The following CCDC88A variants were observed in gnomAD, a reference collection of about 807,000 sequenced individuals.
CCDC88A encodes the protein coiled-coil and HOOK domain protein 88A, also known as girdin.
CCDC88A carries 54 observed loss-of-function variants against 234.3 expected under a neutral mutation model. The ratio of observed to expected loss-of-function variants is 0.23; its 90% CI spans 0.19 to 0.29. CCDC88A has a LOEUF of 0.29. CCDC88A is among the 10% of genes least tolerant of loss of function. The probability of loss-of-function intolerance (pLI) is 1.00; values close to 1 mark genes in which losing one functional copy is unlikely to be tolerated. For synonymous variants in CCDC88A, 753 were observed against 737.8 expected, an observed-to-expected ratio of 1.02 and a Z score of -0.33; for missense variants, 1,832 against 2,123.4, an observed-to-expected ratio of 0.86 and a Z score of 2.70.
chr2:55,355,809 C>G, intron 7 of CCDC88A, 58 bp from the exon 8 acceptor site: 1 of 1,337,486 alleles, frequency 7.5e-7, no homozygotes, highest in South Asian at 1.2e-5. Flanking sequence ...CTAAACACAT[C>G]AACATGATCC....
At chr2:55,362,190 A>G in intron 7 of CCDC88A, 118 bp downstream of exon 7, 1 of 731,438 alleles carries the variant, frequency 1.4e-6, no homozygotes, top group Non-Finnish European at 2.1e-6. Flanking sequence ...ACACAAAAAA[A>G]GACACTCCTG....
chr2:55,348,857 G>T (rs946073665), intron 9 of CCDC88A: 2 of 152,172 alleles, frequency 1.3e-5, no homozygotes, highest in Non-Finnish European at 2.9e-5. Context: ...CCCAGTTTAT[G>T]ATCCTACAAT....
chr2:55,317,575 G>A lies in CCDC88A; in HGVS notation c.3591C>T (p.Asp1197=). 1 of 1,563,798 alleles carries A rather than the reference G, an allele frequency of 6.4e-7. No homozygotes were observed. The highest frequency in any genetic ancestry group is 8.7e-7 in the Non-Finnish European group (1 of 1,149,918). ...ATATAATAAATTACCGGTCTTCAAG[G>A]TCTCTATGTTCCACCTCAAGATTTT... ...AHKNLEVEHR[D]LEDRYNQLLK... Residue 1197 remains aspartate, a synonymous_variant, in exon 20 of 33, where the codon GAC becomes GAT. Transcript: ENST00000436346. The surrounding 1 kb of genome is among the most constrained non-coding windows in gnomAD (Gnocchi z 4.2).
At chr2:55,402,438 T>C (rs974650683) in intron 2 of CCDC88A, among the ~76,000 whole-genome samples, 5 of 152,134 alleles carry the variant, frequency 3.3e-5, no homozygotes, top group Non-Finnish European at 7.4e-5. Flanking sequence ...TTGATTGGCA[T>C]ATTCATACAA....
intron 23 of CCDC88A, among the ~76,000 whole-genome samples, chr2:55,312,224 C>G (rs184195904): frequency 6.6e-6 from 1 of 152,078 alleles, no homozygotes; most frequent in Non-Finnish European, 1.5e-5. Flanking sequence ...ATTTGTATTT[C>G]TCACTTTAGA....
chr2:55,380,372 T>C (rs983188756), intron 3 of CCDC88A, among the ~76,000 whole-genome samples: 1 of 152,168 alleles, frequency 6.6e-6, no homozygotes, highest in African/African-American at 2.4e-5. Context: ...TCAGGGCCAT[T>C]AAAGCAAAGT....
intron 17 of CCDC88A, chr2:55,323,489 T>G (rs1474698495): frequency 6.6e-6 from 1 of 152,162 alleles, no homozygotes; most frequent in African/African-American, 2.4e-5. Context: ...GAATGTAATG[T>G]CAAGTTTCTC....
intron 3 of CCDC88A, among the ~76,000 whole-genome samples, chr2:55,377,570 A>C (rs970494858): frequency 1.3e-5 from 2 of 151,612 alleles, no homozygotes; most frequent in African/African-American, 4.8e-5. Flanking sequence ...CTTCAAATTC[A>C]CCTTCATAAA....
At chr2:55,324,930 G>A (rs1684077237) in intron 17 of CCDC88A, among the ~76,000 whole-genome samples, 1 of 152,238 alleles carries the variant, frequency 6.6e-6, no homozygotes, top group Admixed American at 6.5e-5. Context: ...ACAGGCAAGA[G>A]CTACCATGCC....
chr2:55,302,992 G>T, intron 26 of CCDC88A, 77 bp downstream of exon 26: 2 of 932,672 alleles, frequency 2.1e-6, no homozygotes, highest in South Asian at 1.4e-5. Flanking sequence ...GCACAGTCCA[G>T]AGAAAGGTTA....
intron 8 of CCDC88A, 99 bp downstream of exon 8, chr2:55,355,466 TACTTGTGAAAACAC>T: frequency 2.6e-5 from 21 of 815,032 alleles, no homozygotes; most frequent in African/African-American, 3.9e-5. Flanking sequence ...TTTTCTCATT[TACTTGTGAAAACAC>T]TGACACAAGC....
At position 55,309,289 on chromosome 2, in the gene CCDC88A, C is replaced by A. The variant is rs1472440295; in HGVS notation, c.4080-35G>T. On this transcript the variant is annotated intron_variant, in intron 23 of 32. Coordinates refer to ENST00000436346, the MANE Select transcript of CCDC88A (RefSeq NM_001365480.1). This position sits in a 1 kb window ranked among gnomAD's most constrained non-coding sequence, Gnocchi z 5.1. ...AAAAATTACCTTTTAGGACAGGCATCATATTTTGTACAGCTATGAATATTA... is the reference window on the plus strand; with the variant it reads ...AAAAATTACCTTTTAGGACAGGCATAATATTTTGTACAGCTATGAATATTA... The A allele has an allele frequency of 1.0e-6, 1 of 967,154 alleles. No individual in the cohort carries two copies. The highest frequency in any genetic ancestry group is 2.6e-5 in the East Asian group (1 of 38,222). 59.9% of individuals were successfully genotyped at this position (967,154 alleles called of 1,614,324 possible). A position where few individuals can be genotyped will look rare whatever the true frequency, so the allele number is the denominator to read the frequency against.
rs1683171629 is a variant in CCDC88A at position 55,317,905 on chromosome 2, A to G, written c.3325-64T>C. On this transcript the variant is annotated intron_variant, in intron 19 of 32. Coordinates refer to ENST00000436346, the MANE Select transcript of CCDC88A (RefSeq NM_001365480.1). The surrounding 1 kb of genome is among the most constrained non-coding windows in gnomAD (Gnocchi z 4.2). ...AGTTCATGTTCTTTTTCAAAATACA[A>G]GATTACAATGTTAATTAAAGAAAGC... 1.0e-5 allele frequency: 12 copies of G among 1,151,264 alleles called. No individual in the cohort carries two copies. Among genetic ancestry groups the G allele is most frequent in the Non-Finnish European group, 1.5e-5 (12 of 811,920 alleles). The allele number at this position is 1,151,264 out of a possible 1,614,324, so 71.3% of individuals were successfully genotyped here. A position where few individuals can be genotyped will look rare whatever the true frequency, so the allele number is the denominator to read the frequency against.
chr2:55,387,490 A>G (rs1675858679), intron 3 of CCDC88A, among the ~76,000 whole-genome samples: 1 of 151,972 alleles, frequency 6.6e-6, no homozygotes, highest in African/African-American at 2.4e-5. Flanking sequence ...TGTAGAAACA[A>G]TTACTGATAG....
intron 2 of CCDC88A, among the ~76,000 whole-genome samples, chr2:55,413,499 G>T (rs1297256136): frequency 1.3e-5 from 2 of 152,136 alleles, no homozygotes; most frequent in Non-Finnish European, 2.9e-5. Flanking sequence ...CTGAACCCAA[G>T]TCTATGTCTA....
intron 3 of CCDC88A, among the ~76,000 whole-genome samples, chr2:55,378,738 C>CTTT (rs79242911): frequency 9.1e-5 from 13 of 142,942 alleles, no homozygotes; most frequent in East Asian, 8.4e-4. Flanking sequence ...TACACATATA[C>CTTT]TTTTTTTTTT....
intron 14 of CCDC88A, among the ~76,000 whole-genome samples, chr2:55,336,455 TG>T (rs1685472896): frequency 6.6e-6 from 1 of 152,020 alleles, no homozygotes; most frequent in Admixed American, 6.6e-5. Flanking sequence ...TTATACTAGA[TG>T]ATTATTAAGC....
chr2:55,411,045 T>C (rs1680402634), intron 2 of CCDC88A, among the ~76,000 whole-genome samples: 1 of 152,232 alleles, frequency 6.6e-6, no homozygotes, highest in Non-Finnish European at 1.5e-5. Flanking sequence ...TTCAAGCCCA[T>C]GTTTTTGTTT....
chr2:55,388,239 T>G lies in CCDC88A; in HGVS notation c.273+539A>C, dbSNP rs576022346. Among the ~76,000 whole-genome samples the G allele has an allele frequency of 6.6e-5, 10 of 152,290 alleles. No homozygotes were observed. In the South Asian group the frequency reaches 1.9e-3, roughly 28 times the overall value. ...AAAAGGTTACTTGAAAAATACCATG[T>G]TCAAAAATTTAAAAGCATACTTCTA... On this transcript the variant is annotated intron_variant, in intron 3 of 32. Coordinates refer to ENST00000436346, the MANE Select transcript of CCDC88A (RefSeq NM_001365480.1).
Sources: allele counts gnomAD v4.1 joint callset (sites outside exome capture counted in the v4.1 genomes callset), GRCh38; gene constraint gnomAD v4.1.1; non-coding constraint Gnocchi (gnomAD v3.1); transcripts MANE v1.5; gene names NCBI Gene and HGNC (gene_info 2026-07-23, HGNC 2026-07-21).